PIEZO2: variants seen among roughly 807,000 people sequenced by gnomAD.
The protein encoded by PIEZO2 is piezo type mechanosensitive ion channel component 2.
A neutral mutation model predicts 337.3 loss-of-function variants in PIEZO2; 172 were observed. The ratio of observed to expected loss-of-function variants is 0.51; its 90% CI spans 0.45 to 0.58. The LOEUF is 0.58. Ranked by LOEUF, PIEZO2 falls within the 20% of genes least tolerant of loss-of-function variation. The pLI is 0.00. For synonymous variants in PIEZO2, 1,251 were observed against 1,228.5 expected (o/e 1.02, Z -0.38); for missense variants, 3,028 against 3,391.3 (o/e 0.89, Z 2.66).
intron 4 of PIEZO2, among the ~76,000 whole-genome samples, chr18:10,883,918 C>G (rs1365272914): frequency 6.7e-6 from 1 of 148,228 alleles, no homozygotes; most frequent in Non-Finnish European, 1.5e-5. Flanking sequence ...TCATGCTATT[C>G]TCCTGCCTCA....
At chr18:11,000,462 T>G (rs1168313084) in intron 2 of PIEZO2, among the ~76,000 whole-genome samples, 1 of 152,134 alleles carries the variant, frequency 6.6e-6, no homozygotes, top group Non-Finnish European at 1.5e-5. Flanking sequence ...ACTGATATAA[T>G]CAGAGAGGAA....
intron 49 of PIEZO2, among the ~76,000 whole-genome samples, chr18:10,685,538 G>A (rs888572675): frequency 3.9e-5 from 6 of 152,198 alleles, no homozygotes; most frequent in South Asian, 2.1e-4. Context: ...TCCCTCATTG[G>A]GAGGCGGGGT....
Position 11,080,511 on chromosome 18 carries a change from T to C in PIEZO2, c.65-14289A>G, listed in dbSNP as rs1441791954. 6.6e-6 allele frequency among the ~76,000 whole-genome samples: 1 copy of C among 152,130 alleles called. No individual in the cohort carries two copies. Among genetic ancestry groups the C allele is most frequent in the Non-Finnish European group, 1.5e-5 (1 of 68,030 alleles). On this transcript the variant is annotated intron_variant, in intron 1 of 55. Coordinates refer to ENST00000674853, the MANE Select transcript of PIEZO2 (RefSeq NM_001378183.1). This position sits in a 1 kb window ranked among gnomAD's most constrained non-coding sequence, Gnocchi z 5.4. The stretch of plus-strand genomic sequence containing the variant: ...ATAAGCCTGTGATGATAGTGCAGAA[T>C]GAATAAAGGAATAAAGGGGTTACCT...
chr18:10,933,132 T>G (rs1015295336), intron 3 of PIEZO2, among the ~76,000 whole-genome samples: 1 of 152,010 alleles, frequency 6.6e-6, no homozygotes, highest in Non-Finnish European at 1.5e-5. Context: ...GCCAAAAAAC[T>G]GTAACCAGGG....
At chr18:10,934,329 T>C (rs927736941) in intron 3 of PIEZO2, among the ~76,000 whole-genome samples, 15 of 152,158 alleles carry the variant, frequency 9.9e-5, no homozygotes, top group Admixed American at 7.2e-4. Flanking sequence ...GTTAAGTCCC[T>C]CCCTGCAAGT....
In PIEZO2 at chr18:11,109,678, AC is replaced by A. The variant is rs1235620835; in HGVS notation, c.64+38846del. On this transcript the variant is annotated intron_variant, in intron 1 of 55. Coordinates refer to ENST00000674853, the MANE Select transcript of PIEZO2 (RefSeq NM_001378183.1). The surrounding 1 kb of genome is among the most constrained non-coding windows in gnomAD (Gnocchi z 5.1). ...GGTTGCAGTGAGCCAAGATCACACC[AC>A]TGCACTCCAGCCTGGAAGACAGAGT... Among the ~76,000 whole-genome samples, 1 of 152,084 alleles carries A rather than the reference AC, an allele frequency of 6.6e-6. No individual in the cohort carries two copies. Among genetic ancestry groups the A allele is most frequent in the Non-Finnish European group, 1.5e-5 (1 of 68,012 alleles).
At chr18:10,932,467 C>T (rs187139025) in intron 3 of PIEZO2, among the ~76,000 whole-genome samples, 6 of 152,264 alleles carry the variant, frequency 3.9e-5, no homozygotes, top group Admixed American at 2.0e-4. Context: ...AAATATGTAT[C>T]GAGTAGCTCC....
chr18:10,691,189 C>A, intron 48 of PIEZO2, 36 bp downstream of exon 48: 1 of 1,599,150 alleles, frequency 6.3e-7, no homozygotes, highest in Non-Finnish European at 8.5e-7. Context: ...GCTATTCTTC[C>A]CCCATAAGTG....
At chr18:11,010,682 A>T (rs1382499912) in intron 2 of PIEZO2, among the ~76,000 whole-genome samples, 1 of 152,204 alleles carries the variant, frequency 6.6e-6, no homozygotes, top group Non-Finnish European at 1.5e-5. Context: ...AGAAAATGGG[A>T]TAGGCAAAGA....
intron 18 of PIEZO2, among the ~76,000 whole-genome samples, chr18:10,778,335 CT>C (rs764803228): frequency 0.014 from 1,805 of 127,714 alleles, 7 homozygotes; most frequent in African/African-American, 0.021. Flanking sequence ...TCTGGCTGCT[CT>C]TTTTTTTTTT....
intron 3 of PIEZO2, among the ~76,000 whole-genome samples, chr18:10,922,600 G>A (rs2031495460): frequency 6.6e-6 from 1 of 152,000 alleles, no homozygotes; most frequent in Non-Finnish European, 1.5e-5. Context: ...ATGAGTAGAG[G>A]AGCATGGCAT....
Position 10,787,151 on chromosome 18 carries a change from A to G in PIEZO2, c.2203T>C (p.Tyr735His). Residue 735 changes from tyrosine (Y) to histidine (H), a missense_variant, in exon 16 of 56, where the codon TAT becomes CAT. Tyr to His is a moderately conservative substitution (Grantham distance 83). This residue lies in a region of PIEZO2 where 1,925 missense variants were observed against 2,051.9 expected (regional missense o/e 0.94). Coordinates refer to ENST00000674853, the MANE Select transcript of PIEZO2 (RefSeq NM_001378183.1). ...HYEWWRKILK[Y>H]FWMSVVIYTM... ...TAAATAACCACTGACATCCAAAAAT[A>G]TTTTAGAATTTTCCTCCACCATTCA... 1 of 1,533,212 alleles carries G rather than the reference A, an allele frequency of 6.5e-7. No individual in the cohort carries two copies. Among genetic ancestry groups the G allele is most frequent in the Non-Finnish European group, 8.7e-7 (1 of 1,145,800 alleles). The allele number at this position is 1,533,212 out of a possible 1,614,324, so 95.0% of individuals were successfully genotyped here. A position where few individuals can be genotyped will look rare whatever the true frequency, so the allele number is the denominator to read the frequency against.
chr18:10,689,442 C>T (rs557933834), intron 49 of PIEZO2, among the ~76,000 whole-genome samples: 12 of 151,010 alleles, frequency 7.9e-5, no homozygotes, highest in African/African-American at 1.7e-4. Context: ...ATGAAGTTGC[C>T]GAAAGAAGAA....
intron 3 of PIEZO2, among the ~76,000 whole-genome samples, chr18:10,977,130 C>T (rs978789354): frequency 6.6e-6 from 1 of 151,300 alleles, no homozygotes; most frequent in Non-Finnish European, 1.5e-5. Context: ...TTTAGGATTT[C>T]ATATCATATT....
In PIEZO2 at chr18:11,005,420, T is replaced by C. The variant is rs767612137; in HGVS notation, c.161-25760A>G. ...GGAAGAAATGTAGTTTAGCTTAACA[T>C]GTATTGAGTATCAGGCATGAACAGT... On this transcript the variant is annotated intron_variant, in intron 2 of 55. Coordinates refer to ENST00000674853, the MANE Select transcript of PIEZO2 (RefSeq NM_001378183.1). Among the ~76,000 whole-genome samples, 33 of 152,334 alleles carry C rather than the reference T, an allele frequency of 2.2e-4. 2 individuals carry two copies. Among genetic ancestry groups the C allele is most frequent in the Admixed American group, 6.5e-5 (1 of 15,302 alleles).
chr18:11,064,753 A>G (rs6505611), intron 2 of PIEZO2, among the ~76,000 whole-genome samples: 98,862 of 152,084 alleles, frequency 0.65, 32,810 homozygotes, highest in East Asian at 0.97. Context: ...CCACACTGAT[A>G]TAAAAGTGAT....
At position 10,695,285 on chromosome 18, in the gene PIEZO2, C is replaced by T. The variant is rs745348539; in HGVS notation, c.7190+789G>A. Among the ~76,000 whole-genome samples the T allele has an allele frequency of 5.3e-5, 8 of 152,188 alleles. No individual in the cohort carries two copies. The South Asian group carries it at 1.2e-3, about 24-fold the overall frequency. ...ATCTCGAGAGTAAGGAGGAAGTAGA[C>T]TTTGGGTTGGAGGCTGGGGAGAAGA... On this transcript the variant is annotated intron_variant, in intron 47 of 55. Coordinates refer to ENST00000674853, the MANE Select transcript of PIEZO2 (RefSeq NM_001378183.1).
chr18:10,723,111 G>A (rs771402115), intron 36 of PIEZO2, among the ~76,000 whole-genome samples: 2 of 152,006 alleles, frequency 1.3e-5, no homozygotes, highest in Non-Finnish European at 2.9e-5. Flanking sequence ...GGGATTACAG[G>A]CATGGACCAC....
At position 10,773,512 on chromosome 18, in the gene PIEZO2, G is replaced by C. The variant is rs748881483; in HGVS notation, c.2685C>G (p.Tyr895Ter). Residue 895 changes from tyrosine to a stop codon, truncating the protein, a stop_gained, in exon 20 of 56, where the codon TAC becomes TAG. Transcript: ENST00000674853. LOFTEE classifies it high-confidence loss of function. The surrounding 1 kb of genome is among the most constrained non-coding windows in gnomAD (Gnocchi z 5.3). ...GATCACCCTTCTGGGCTTTTTCAGA[G>C]TAGCCCTCAAGCTTCTCCTCCCCAG... ...AEPGEEKLEG[Y>*]SEKAQKGDLG... 6.5e-7 allele frequency: 1 copy of C among 1,537,418 alleles called. No individual in the cohort carries two copies. Among genetic ancestry groups the C allele is most frequent in the South Asian group, 1.2e-5 (1 of 84,066 alleles).
Sources: gnomAD v4.1 joint callset for allele counts (sites outside exome capture counted in the v4.1 genomes callset) on GRCh38, gnomAD v4.1.1 for gene constraint, gnomAD v4.1.1 regional missense constraint, Gnocchi (gnomAD v3.1) non-coding constraint, MANE v1.5 for transcripts, NCBI Gene and HGNC (gene_info 2026-07-23, HGNC 2026-07-21) for gene names.